GPR176: variants seen among roughly 807,000 people sequenced by gnomAD.
GPR176 encodes G-protein coupled receptor 176.
A neutral mutation model predicts 35.4 loss-of-function variants in GPR176; 26 were observed. The observed-to-expected ratio is 0.74, with a 90% CI of 0.54 to 1.02. The LOEUF (loss-of-function observed/expected upper bound fraction) is 1.02. GPR176 is among the 50% of genes least tolerant of loss of function. GPR176 has a pLI of 0.00. For missense variants in GPR176, 597 were observed against 665.3 expected (o/e 0.90, Z 1.13); for synonymous variants, 278 against 271.3 (o/e 1.02, Z -0.24).
chr15:39,837,634 A>G (rs1362598912), intron 1 of GPR176, among the ~76,000 whole-genome samples: 4 of 152,162 alleles, frequency 2.6e-5, no homozygotes, highest in African/African-American at 9.7e-5. Flanking sequence ...TAACAGTAGT[A>G]GTAGTAGCAG....
At chr15:39,810,099 C>A (rs1309882652) in intron 1 of GPR176, among the ~76,000 whole-genome samples, 1 of 148,916 alleles carries the variant, frequency 6.7e-6, no homozygotes, top group Non-Finnish European at 1.5e-5. Context: ...GAGCTGAGAT[C>A]GTGCCACTCC....
At position 39,801,013 on chromosome 15, in the gene GPR176, T is replaced by C; in HGVS notation, c.*119A>G. ...TCATTCAAAAGCATCTGGCCCATATTGGAGGAATCAACTCACACTGAGTTG... is the reference window on the plus strand; with the variant it reads ...TCATTCAAAAGCATCTGGCCCATATCGGAGGAATCAACTCACACTGAGTTG... On this transcript the variant is annotated 3_prime_UTR_variant, in exon 3 of 3. Transcript: ENST00000561100. The C allele has an allele frequency of 1.2e-6, 1 of 818,782 alleles. No homozygotes were observed. The highest frequency in any genetic ancestry group is 1.7e-5 in the South Asian group (1 of 59,908). The allele number at this position is 818,782 out of a possible 1,614,324, so 50.7% of individuals were successfully genotyped here.
chr15:39,848,490 G>A (rs760164329), intron 1 of GPR176, among the ~76,000 whole-genome samples: 3 of 152,034 alleles, frequency 2.0e-5, no homozygotes, highest in African/African-American at 7.2e-5. Flanking sequence ...AGAACATACC[G>A]CCCAGCAACA....
At chr15:39,845,680 C>A (rs1352199835) in intron 1 of GPR176, among the ~76,000 whole-genome samples, 2 of 151,992 alleles carry the variant, frequency 1.3e-5, no homozygotes, top group African/African-American at 4.8e-5. Context: ...GCAGGTCTGT[C>A]TGAGGAGATA....
intron 1 of GPR176, among the ~76,000 whole-genome samples, chr15:39,821,569 T>A (rs1380429923): frequency 6.6e-6 from 1 of 152,164 alleles, no homozygotes; most frequent in Non-Finnish European, 1.5e-5. Context: ...GAAACAAAAG[T>A]GAGCATATAT....
chr15:39,897,204 T>G (rs1263694936), intron 1 of GPR176, among the ~76,000 whole-genome samples: 2 of 152,212 alleles, frequency 1.3e-5, no homozygotes, highest in African/African-American at 4.8e-5. Flanking sequence ...ATTATATCTG[T>G]GCTGTATCCT....
At chr15:39,899,902 AT>A (rs1484100916) in intron 1 of GPR176, among the ~76,000 whole-genome samples, 1 of 152,168 alleles carries the variant, frequency 6.6e-6, no homozygotes, top group Admixed American at 6.5e-5. Flanking sequence ...AATTAAAATC[AT>A]CCTAGATTCT....
chr15:39,893,271 C>G (rs9744395), intron 1 of GPR176, among the ~76,000 whole-genome samples: 2,180 of 152,072 alleles, frequency 0.014, 58 homozygotes, highest in African/African-American at 0.05. Context: ...TGTTTGTGTC[C>G]CTGGGTACTT....
intron 1 of GPR176, among the ~76,000 whole-genome samples, chr15:39,824,519 C>T (rs141203626): frequency 1.7e-3 from 266 of 152,320 alleles, no homozygotes; most frequent in African/African-American, 6.2e-3. Flanking sequence ...TTGTTTGTAG[C>T]AATTATTATA....
At position 39,919,886 on chromosome 15, in the gene GPR176, C is replaced by T. The variant is rs2033830138; in HGVS notation, c.141G>A (p.Val47=). ...GCGAGCCTATGAAGATGACGACCTG[C>T]ACGGTGGTGGTGAACTGGCGGTACA... ...AQLYRQFTTT[V]QVVIFIGSLL... The change falls in exon 1 of 3, where the codon GTG becomes GTA. Residue 47 remains valine (V), a synonymous_variant. Transcript: ENST00000561100. 6.6e-7 allele frequency: 1 copy of T among 1,506,606 alleles called. No individual in the cohort carries two copies. The highest frequency in any genetic ancestry group is 2.7e-5 in the East Asian group (1 of 37,644). 93.3% of individuals were successfully genotyped at this position (1,506,606 alleles called of 1,614,324 possible).
At chr15:39,871,399 A>G (rs1219685694) in intron 1 of GPR176, among the ~76,000 whole-genome samples, 2 of 152,182 alleles carry the variant, frequency 1.3e-5, no homozygotes, top group African/African-American at 2.4e-5. Flanking sequence ...GGACTAATAA[A>G]CCATTCTTTG....
At chr15:39,902,889 T>C (rs1236474664) in intron 1 of GPR176, among the ~76,000 whole-genome samples, 4 of 152,220 alleles carry the variant, frequency 2.6e-5, no homozygotes, top group Admixed American at 2.0e-4. Flanking sequence ...CAAAAATTCT[T>C]GCTCAGAAAA....
In GPR176 at chr15:39,801,149, GA is replaced by G; in HGVS notation, c.1530del (p.Pro511GlnfsTer34). ...KMSRNNKVSI[F>X]PKVDS is the part of the protein sequence containing the mutation. Reference sequence around the variant, plus strand: ...AATCCTTGCTAGGAATCCACCTTTGGAAAAATGCTCACTTTATTGTTTCTGC... The same window carrying G: ...AATCCTTGCTAGGAATCCACCTTTGGAAAATGCTCACTTTATTGTTTCTGC... On this transcript the variant is annotated frameshift_variant, in exon 3 of 3. Coordinates refer to ENST00000561100, the MANE Select transcript of GPR176 (RefSeq NM_007223.3). LOFTEE classifies it high-confidence loss of function. 1 of 1,601,836 alleles carries G rather than the reference GA, an allele frequency of 6.2e-7. No individual in the cohort carries two copies. Among genetic ancestry groups the G allele is most frequent in the Non-Finnish European group, 8.5e-7 (1 of 1,172,190 alleles).
intron 1 of GPR176, among the ~76,000 whole-genome samples, chr15:39,872,719 G>A (rs887175772): frequency 3.3e-5 from 5 of 152,126 alleles, no homozygotes; most frequent in Admixed American, 1.3e-4. Flanking sequence ...AAGAGAGAGA[G>A]TTGGTGGGGA....
At chr15:39,802,568 A>G (rs1898953604) in intron 2 of GPR176, among the ~76,000 whole-genome samples, 1 of 152,246 alleles carries the variant, frequency 6.6e-6, no homozygotes. Context: ...TACCAGGATG[A>G]AATCGCAAAC....
chr15:39,905,946 T>C (rs1236332748), intron 1 of GPR176, among the ~76,000 whole-genome samples: 1 of 152,114 alleles, frequency 6.6e-6, no homozygotes, highest in Non-Finnish European at 1.5e-5. Flanking sequence ...ACAAGCACTG[T>C]TTGTTGCAAG....
In GPR176 at chr15:39,919,981, G is replaced by T; in HGVS notation, c.46C>A (p.His16Asn). 1 of 1,464,716 alleles carries T rather than the reference G, an allele frequency of 6.8e-7. No homozygotes were observed. The highest frequency in any genetic ancestry group is 1.4e-5 in the South Asian group (1 of 73,072). 90.7% of individuals were successfully genotyped at this position (1,464,716 alleles called of 1,614,324 possible). A position where few individuals can be genotyped will look rare whatever the true frequency, so the allele number is the denominator to read the frequency against. The change falls in exon 1 of 3, where the codon CAC becomes AAC. Residue 16 changes from histidine (H) to asparagine (N), a missense_variant. By Grantham distance (68) the His-to-Asn change is moderately conservative. Transcript: ENST00000561100. The stretch of plus-strand genomic sequence containing the variant: ...GCAGCCTCGGCGCCGGACGCGTTGT[G>T]CGGCTCGCTGGCATTTGGAGAGATC... ...SWISPNASEP[H>N]NASGAEAAGV...
rs117826948 is a variant in GPR176 at position 39,890,013 on chromosome 15, T to C, written c.172+29842A>G. ...ACTTCAGTGAGGTCACACTGGGAGTTTGAATGATGATATTTTCATCATGGC... is the reference window on the plus strand; with the variant it reads ...ACTTCAGTGAGGTCACACTGGGAGTCTGAATGATGATATTTTCATCATGGC... On this transcript the variant is annotated intron_variant, in intron 1 of 2. Transcript: ENST00000561100. Among the ~76,000 whole-genome samples, 395 of 152,284 alleles carry C rather than the reference T, an allele frequency of 2.6e-3. 5 individuals are homozygous for C. Among genetic ancestry groups the C allele is most frequent in the East Asian group, 0.022 (115 of 5,186 alleles).
intron 1 of GPR176, among the ~76,000 whole-genome samples, chr15:39,915,600 C>T (rs1279817290): frequency 2.6e-5 from 4 of 152,236 alleles, no homozygotes; most frequent in African/African-American, 7.2e-5. Flanking sequence ...ATCAGCTGAG[C>T]GCAGTGGCTC....
Sources: gnomAD v4.1 joint callset for allele counts (sites outside exome capture counted in the v4.1 genomes callset) on GRCh38, gnomAD v4.1.1 for gene constraint, MANE v1.5 for transcripts, NCBI Gene and HGNC (gene_info 2026-07-23, HGNC 2026-07-21) for gene names.